Variants in WDR97 observed in about 807,000 individuals in gnomAD.
WDR97 encodes the protein WD repeat-containing protein 97.
WDR97 carries 111 observed loss-of-function variants against 65.4 expected under a neutral mutation model. That is an observed-to-expected ratio of 1.70 (90% CI 1.45 to 1.99). The LOEUF (loss-of-function observed/expected upper bound fraction) is 1.99. Ranked by LOEUF, WDR97 falls within the 30% of genes most tolerant of loss-of-function variation. The pLI is 0.00. For missense variants in WDR97, 1,674 were observed against 865.0 expected, an observed-to-expected ratio of 1.94 and a Z score of -11.73; for synonymous variants, 802 against 397.7, an observed-to-expected ratio of 2.02 and a Z score of -12.10.
Position 144,108,161 on chromosome 8 carries a change from T to C in WDR97, c.215T>C (p.Leu72Pro). 1.4e-6 allele frequency: 1 copy of C among 702,298 alleles called. No individual in the cohort carries two copies. The highest frequency in any genetic ancestry group is 2.7e-5 in the East Asian group (1 of 37,274). 43.5% of individuals were successfully genotyped at this position (702,298 alleles called of 1,614,324 possible). Reference protein sequence around the residue: ...PRARARRLWLLLRTSLHEVVE... With the variant: ...PRARARRLWLPLRTSLHEVVE... ...GCCCGCGCCCGCCGGCTGTGGCTGCTTCTGCGCACCAGCCTCCACGAAGTC... is the reference window on the plus strand; with the variant it reads ...GCCCGCGCCCGCCGGCTGTGGCTGCCTCTGCGCACCAGCCTCCACGAAGTC... Residue 72 changes from leucine (L) to proline (P), a missense_variant, in exon 2 of 24, where the codon CTT (leucine) becomes CCT (proline). Physicochemically the swap from Leu to Pro is moderately conservative, Grantham distance 98. Transcript: ENST00000323662.
In WDR97 at chr8:144,110,153, G is replaced by A; in HGVS notation, c.1740G>A (p.Ser580=). The change falls in exon 6 of 24, where the codon TCG becomes TCA. Residue 580 remains serine (S), a synonymous_variant. Transcript: ENST00000323662. ...TGGGGCACACGGACGGCACGCTGTC[G>A]GTGCTGGAGTGGCTCTCGTCGAAGA... The part of the protein sequence containing the change: ...PVVGHTDGTL[S]VLEWLSSKTV... The A allele has an allele frequency of 1.4e-6, 1 of 702,846 alleles. No individual in the cohort carries two copies. Among genetic ancestry groups the A allele is most frequent in the Non-Finnish European group, 2.6e-6 (1 of 384,944 alleles). The allele number at this position is 702,846 out of a possible 1,614,324, so 43.5% of individuals were successfully genotyped here.
Position 144,114,315 on chromosome 8 carries a change from C to T in WDR97, c.3632C>T (p.Ser1211Leu). The T allele has an allele frequency of 4.3e-6, 3 of 702,560 alleles. No homozygotes were observed. The highest frequency in any genetic ancestry group is 2.3e-4 in the Middle Eastern group (1 of 4,368). 43.5% of individuals were successfully genotyped at this position (702,560 alleles called of 1,614,324 possible). ...GCGGGCACGATCGAGGGCCTGGCCTCGCTGTTGGTGGCCCTGCTGGAGAAG... is the reference window on the plus strand; with the variant it reads ...GCGGGCACGATCGAGGGCCTGGCCTTGCTGTTGGTGGCCCTGCTGGAGAAG... ...PEAGTIEGLA[S>L]LLVALLEKTT... Residue 1211 changes from serine (S) to leucine (L), a missense_variant, in exon 19 of 24, where the codon TCG (serine) becomes TTG (leucine). Physicochemically the swap from Ser to Leu is moderately radical, Grantham distance 145. Transcript: ENST00000323662.
intron 1 of WDR97, 43 bp downstream of exon 1, chr8:144,107,905 G>T (rs1161555577): frequency 1.4e-5 from 10 of 702,660 alleles, no homozygotes; most frequent in Admixed American, 1.4e-4. Context: ...CCGCTAGGAA[G>T]TGGGTCTCAT....
rs1414368458 is a variant in WDR97, at chr8:144,109,691, G to C, written c.1357G>C (p.Gly453Arg). 1 of 671,112 alleles carries C rather than the reference G, an allele frequency of 1.5e-6. No homozygotes were observed. The highest frequency in any genetic ancestry group is 2.9e-5 in the East Asian group (1 of 34,798). The allele number at this position is 671,112 out of a possible 1,614,324, so 41.6% of individuals were successfully genotyped here. A position where few individuals can be genotyped will look rare whatever the true frequency, so the allele number is the denominator to read the frequency against. ...PTRLVCACAD[G>R]SVYLLSAATG... is the part of the protein sequence containing the mutation. ...GCGCCTCGTGTGCGCGTGCGCCGACGGCTCGGTCTACCTCCTGTCGGCGGC... is the reference window on the plus strand; with the variant it reads ...GCGCCTCGTGTGCGCGTGCGCCGACCGCTCGGTCTACCTCCTGTCGGCGGC... Residue 453 changes from glycine (G) to arginine (R), a missense_variant, in exon 5 of 24, where the codon GGC (glycine) becomes CGC (arginine). Gly to Arg is a moderately radical substitution (Grantham distance 125, BLOSUM62 -2). Transcript: ENST00000323662.
In WDR97 at chr8:144,109,642, G is replaced by T; in HGVS notation, c.1308G>T (p.Ala436=). Residue 436 remains alanine (A), a synonymous_variant, in exon 5 of 24, where the codon GCG becomes GCT. Transcript: ENST00000323662. Reference sequence around the variant, plus strand: ...TGCAGGTGGCGCCCGCGTTGCCCGCGCCTGCGCACCAGTCGCTGCCTACGC... The same window carrying T: ...TGCAGGTGGCGCCCGCGTTGCCCGCTCCTGCGCACCAGTCGCTGCCTACGC... ...LHVQVAPALP[A]PAHQSLPTRL... 1.5e-6 allele frequency: 1 copy of T among 673,456 alleles called. No homozygotes were observed. The highest frequency in any genetic ancestry group is 2.7e-6 in the Non-Finnish European group (1 of 372,936). 41.7% of individuals were successfully genotyped at this position (673,456 alleles called of 1,614,324 possible).
chr8:144,109,587 T>G lies in WDR97; in HGVS notation c.1253T>G (p.Leu418Trp), dbSNP rs114419149. Residue 418 changes from leucine to tryptophan, a missense_variant, in exon 5 of 24, where the codon TTG becomes TGG. Physicochemically the swap from Leu to Trp is moderately conservative, Grantham distance 61. Coordinates refer to ENST00000323662, the MANE Select transcript of WDR97 (RefSeq NM_001316309.2). Reference sequence around the variant, plus strand: ...CGCGTACGCGAGCTCTACTCGCCGTTGGCGCAACTGCCCGCCAAGGTGCTC... The same window carrying G: ...CGCGTACGCGAGCTCTACTCGCCGTGGGCGCAACTGCCCGCCAAGGTGCTC... ...LWRVRELYSP[L>W]AQLPAKVLHV... 2,278 of 691,178 alleles carry G rather than the reference T, an allele frequency of 3.3e-3. 33 individuals carry two copies. In the African/African-American group the frequency reaches 0.034, roughly 10 times the overall value. The allele number at this position is 691,178 out of a possible 1,614,324, so 42.8% of individuals were successfully genotyped here. A position where few individuals can be genotyped will look rare whatever the true frequency, so the allele number is the denominator to read the frequency against.
Position 144,110,013 on chromosome 8 carries a change from G to A in WDR97, c.1679G>A (p.Cys560Tyr). The change falls in exon 5 of 24, where the codon TGC becomes TAC. Residue 560 changes from cysteine (C) to tyrosine (Y), a missense_variant. Coordinates refer to ENST00000323662, the MANE Select transcript of WDR97 (RefSeq NM_001316309.2). Reference sequence around the variant, plus strand: ...GAGTTGCGCTGCAGCTCTGTGGCCTGCGCCTGGAAGAACAAGAACCGGTGG... The same window carrying A: ...GAGTTGCGCTGCAGCTCTGTGGCCTACGCCTGGAAGAACAAGAACCGGTGG... ...WGELRCSSVA[C>Y]AWKNKNRYLP... The A allele has an allele frequency of 1.4e-6, 1 of 697,442 alleles. No individual in the cohort carries two copies. Among genetic ancestry groups the A allele is most frequent in the Non-Finnish European group, 2.6e-6 (1 of 381,258 alleles). 43.2% of individuals were successfully genotyped at this position (697,442 alleles called of 1,614,324 possible).
rs1419294224 is a variant in WDR97 at position 144,114,684 on chromosome 8, C to T, written c.3914+9C>T. 2.7e-5 allele frequency: 19 copies of T among 702,568 alleles called. No individual in the cohort carries two copies. The highest frequency in any genetic ancestry group is 4.2e-5 in the Non-Finnish European group (16 of 384,936). 43.5% of individuals were successfully genotyped at this position (702,568 alleles called of 1,614,324 possible). A position where few individuals can be genotyped will look rare whatever the true frequency, so the allele number is the denominator to read the frequency against. ...TCTCCCGTGCACTGCCGGTGAGTTGCGCTCCTGCCCAGCCCTCCCTGCCAC... is the reference window on the plus strand; with the variant it reads ...TCTCCCGTGCACTGCCGGTGAGTTGTGCTCCTGCCCAGCCCTCCCTGCCAC... On this transcript the variant is annotated intron_variant, in intron 20 of 23. Transcript: ENST00000323662.
intron 15 of WDR97, chr8:144,113,049 C>A: frequency 2.9e-6 from 1 of 346,702 alleles, no homozygotes. Context: ...GGCCTGGGTG[C>A]CACCATCATG....
chr8:144,113,166 G>A (rs962234265), intron 15 of WDR97: 2 of 534,486 alleles, frequency 3.7e-6, no homozygotes, highest in African/African-American at 2.0e-5. Context: ...GGAGCTTGCA[G>A]GGTGTCAGGG....
intron 1 of WDR97, 82 bp from the exon 2 acceptor site, chr8:144,107,977 C>A: frequency 1.4e-6 from 1 of 701,142 alleles, no homozygotes; most frequent in Non-Finnish European, 2.6e-6. Flanking sequence ...TAGGGCAGGG[C>A]CCCTGGAGGA....
intron 16 of WDR97, 21 bp from the exon 17 acceptor site, chr8:144,113,636 C>T: frequency 1.5e-6 from 1 of 651,336 alleles, no homozygotes; most frequent in South Asian, 1.7e-5. Flanking sequence ...CCATCAGGCA[C>T]CATCTCTTGC....
Position 144,109,051 on chromosome 8 carries a change from C to G in WDR97, c.881C>G (p.Thr294Ser), listed in dbSNP as rs770321604. 16 of 703,222 alleles carry G rather than the reference C, an allele frequency of 2.3e-5. No individual in the cohort carries two copies. Among genetic ancestry groups the G allele is most frequent in the South Asian group, 1.6e-4 (11 of 67,610 alleles). 43.6% of individuals were successfully genotyped at this position (703,222 alleles called of 1,614,324 possible). Residue 294 changes from threonine to serine, a missense_variant and splice_region_variant, in exon 4 of 24, where the codon ACC (threonine) becomes AGC (serine). By Grantham distance (58) the Thr-to-Ser change is moderately conservative (BLOSUM62 1). Transcript: ENST00000323662. Reference protein sequence around the residue: ...VDVRRDLHKTTISDLAYCEEV... With the variant: ...VDVRRDLHKTSISDLAYCEEV... Reference sequence around the variant, plus strand: ...ATTCTCCCATTCCCCACCTGTAGCACCATCTCGGACCTGGCTTACTGCGAG... The same window carrying G: ...ATTCTCCCATTCCCCACCTGTAGCAGCATCTCGGACCTGGCTTACTGCGAG...
intron 21 of WDR97, 30 bp downstream of exon 21, chr8:144,114,941 G>A: frequency 3.0e-6 from 2 of 663,614 alleles, no homozygotes; most frequent in Non-Finnish European, 2.7e-6. Context: ...GGGGGGCCTT[G>A]GGAACCCTGT....
Position 144,114,453 on chromosome 8 carries a change from T to G in WDR97, c.3770T>G (p.Leu1257Arg). The G allele has an allele frequency of 1.4e-6, 1 of 702,704 alleles. No individual in the cohort carries two copies. Among genetic ancestry groups the G allele is most frequent in the Non-Finnish European group, 2.6e-6 (1 of 384,886 alleles). 43.5% of individuals were successfully genotyped at this position (702,704 alleles called of 1,614,324 possible). A position where few individuals can be genotyped will look rare whatever the true frequency, so the allele number is the denominator to read the frequency against. ...LQGLLVHLLN[L>R]DQPPSLQDQT... ...GGCCTGCTCGTACACTTGCTCAACC[T>G]GGACCAGCCCCCCAGCCTCCAGGTG... The change falls in exon 19 of 24, where the codon CTG becomes CGG. Residue 1257 changes from leucine (L) to arginine (R), a missense_variant. Leu to Arg is a moderately radical substitution (Grantham distance 102, BLOSUM62 -2). Transcript: ENST00000323662.
rs1338070937 is a variant in WDR97 at position 144,117,313 on chromosome 8, G to A, written c.*1020G>A. ...CACTGCAGAAGGCCAAGGTTCACAGGTGTGCGATGAGACTGAGGACTGAGT... is the reference window on the plus strand; with the variant it reads ...CACTGCAGAAGGCCAAGGTTCACAGATGTGCGATGAGACTGAGGACTGAGT... On this transcript the variant is annotated 3_prime_UTR_variant, in exon 24 of 24. Coordinates refer to ENST00000323662, the MANE Select transcript of WDR97 (RefSeq NM_001316309.2). 6.6e-6 allele frequency: 1 copy of A among 152,278 alleles called. No homozygotes were observed. The highest frequency in any genetic ancestry group is 1.5e-5 in the Non-Finnish European group (1 of 68,094). 9.4% of individuals were successfully genotyped at this position (152,278 alleles called of 1,614,324 possible). A position where few individuals can be genotyped will look rare whatever the true frequency, so the allele number is the denominator to read the frequency against.
Position 144,110,283 on chromosome 8 carries a change from G to GGCCGCCACAGA in WDR97, c.1843+31_1843+41dup, listed in dbSNP as rs1239758354. On this transcript the variant is annotated intron_variant, in intron 6 of 23. Transcript: ENST00000323662. ...TCAGTAGCTCCCCTGCCAAAGGCCA[G>GGCCGCCACAGA]GCCGCCACAGAGCCCCCTCCCCTCC... The GGCCGCCACAGA allele has an allele frequency of 2.0e-5, 14 of 701,888 alleles. No homozygotes were observed. The African/African-American group carries it at 2.4e-4, about 12-fold the overall frequency. 43.5% of individuals were successfully genotyped at this position (701,888 alleles called of 1,614,324 possible). A position where few individuals can be genotyped will look rare whatever the true frequency, so the allele number is the denominator to read the frequency against.
In WDR97 at chr8:144,112,015, A is replaced by G; in HGVS notation, c.2766A>G (p.Ala922=). ...TTGCCCGGGCTGAGGTCAGCACTGC[A>G]GCCCAAACAGTGCCAACAGCCCTGT... ...HCLARAEVST[A]AQTVPTALSP... Residue 922 remains alanine (A), a synonymous_variant, in exon 13 of 24, where the codon GCA becomes GCG. Coordinates refer to ENST00000323662, the MANE Select transcript of WDR97 (RefSeq NM_001316309.2). 1 of 702,644 alleles carries G rather than the reference A, an allele frequency of 1.4e-6. No individual in the cohort carries two copies. Among genetic ancestry groups the G allele is most frequent in the Non-Finnish European group, 2.6e-6 (1 of 384,958 alleles). The allele number at this position is 702,644 out of a possible 1,614,324, so 43.5% of individuals were successfully genotyped here. A position where few individuals can be genotyped will look rare whatever the true frequency, so the allele number is the denominator to read the frequency against.
chr8:144,115,651 G>A lies in WDR97; in HGVS notation c.4388G>A (p.Gly1463Glu). 1.4e-6 allele frequency: 1 copy of A among 693,316 alleles called. No individual in the cohort carries two copies. Among genetic ancestry groups the A allele is most frequent in the East Asian group, 2.7e-5 (1 of 37,120 alleles). 42.9% of individuals were successfully genotyped at this position (693,316 alleles called of 1,614,324 possible). A position where few individuals can be genotyped will look rare whatever the true frequency, so the allele number is the denominator to read the frequency against. Reference protein sequence around the residue: ...LHPAGPAQLPGEPPPLEETDW... With the variant: ...LHPAGPAQLPEEPPPLEETDW... ...CCTGCCGGGCCTGCTCAGCTGCCCG[G>A]AGAGCCGCCGCCGCTGGAGGAGACC... The change falls in exon 22 of 24, where the codon GGA becomes GAA. Residue 1463 changes from glycine (G) to glutamate (E), a missense_variant. Transcript: ENST00000323662.
Sources: gnomAD v4.1 joint callset for allele counts on GRCh38, gnomAD v4.1.1 for gene constraint, MANE v1.5 for transcripts, NCBI Gene and HGNC (gene_info 2026-07-23, HGNC 2026-07-21) for gene names.